MYO18B: variants seen among roughly 807,000 people sequenced by gnomAD.
MYO18B encodes unconventional myosin-XVIIIb.
Under a neutral mutation model 273.0 loss-of-function variants are expected in MYO18B, and 204 were observed. The observed-to-expected ratio is 0.75, with a 90% CI of 0.67 to 0.84. The LOEUF (loss-of-function observed/expected upper bound fraction) is 0.84, where lower values mean the gene tolerates loss of function less well. Among genes scored for constraint, MYO18B ranks in the 40% least tolerant of loss-of-function variants. MYO18B has a pLI of 0.00. For missense variants in MYO18B, 3,212 were observed against 3,287.6 expected (o/e 0.98, Z 0.56); for synonymous variants, 1,330 against 1,305.7 (o/e 1.02, Z -0.40).
intron 11 of MYO18B, among the ~76,000 whole-genome samples, chr22:25,793,002 G>T (rs1238609828): frequency 6.6e-6 from 1 of 152,188 alleles, no homozygotes; most frequent in African/African-American, 2.4e-5. Flanking sequence ...GGTCATACCC[G>T]ATTAACTTGT....
At chr22:25,879,474 G>A (rs572147922) in intron 25 of MYO18B, among the ~76,000 whole-genome samples, 1 of 152,222 alleles carries the variant, frequency 6.6e-6, no homozygotes, top group Non-Finnish European at 1.5e-5. Context: ...GGTTACCTGG[G>A]GTACGGTCAT....
chr22:26,059,250 C>T, the MYO18B span, among the ~76,000 whole-genome samples: 43,510 of 152,054 alleles, frequency 0.29, 11,689 homozygotes, highest in African/African-American at 0.71. Context: ...TTTACCTCTT[C>T]AAAGGCAATG....
intron 11 of MYO18B, among the ~76,000 whole-genome samples, chr22:25,788,695 C>T (rs148305675): frequency 1.2e-4 from 18 of 152,358 alleles, no homozygotes; most frequent in African/African-American, 4.3e-4. Context: ...TTCAACCCAA[C>T]TTCATCCCTG....
the MYO18B span, among the ~76,000 whole-genome samples, chr22:26,037,470 C>T: frequency 1.3e-5 from 2 of 152,126 alleles, no homozygotes; most frequent in African/African-American, 4.8e-5. Context: ...TCATTCAGTG[C>T]TCTTCCTAAG....
chr22:25,843,993 G>T, intron 18 of MYO18B, 99 bp downstream of exon 18: 1 of 1,102,170 alleles, frequency 9.1e-7, no homozygotes. Context: ...AGTGTGGGAG[G>T]GCCAGCCCAG....
rs772067339 is a variant in MYO18B at position 25,780,122 on chromosome 22, G to T, written c.2135G>T (p.Arg712Leu). 3 of 1,603,644 alleles carry T rather than the reference G, an allele frequency of 1.9e-6. No homozygotes were observed. The highest frequency in any genetic ancestry group is 1.7e-5 in the Admixed American group (1 of 58,830). ...AFGSVSMAHS[R>L]SATRFSMVMS... ...GGCTCTGTGTCCATGGCCCACAGCCGCAGTGCCACCCGGTTCTCCATGGTG... is the reference window on the plus strand; with the variant it reads ...GGCTCTGTGTCCATGGCCCACAGCCTCAGTGCCACCCGGTTCTCCATGGTG... Residue 712 changes from arginine (R) to leucine (L), a missense_variant, in exon 9 of 44, where the codon CGC becomes CTC. By Grantham distance (102) the Arg-to-Leu change is moderately radical. Coordinates refer to ENST00000335473, the MANE Select transcript of MYO18B (RefSeq NM_032608.7).
intron 39 of MYO18B, among the ~76,000 whole-genome samples, chr22:25,973,290 C>T (rs2093055140): frequency 6.6e-6 from 1 of 152,178 alleles, no homozygotes; most frequent in East Asian, 1.9e-4. Flanking sequence ...GAATATCAAT[C>T]AAAAGGGTTT....
intron 34 of MYO18B, among the ~76,000 whole-genome samples, chr22:25,922,558 C>T (rs1389978605): frequency 6.6e-6 from 1 of 152,154 alleles, no homozygotes; most frequent in African/African-American, 2.4e-5. Flanking sequence ...ATGTTACCTT[C>T]CCTCGGATAA....
At position 25,898,405 on chromosome 22, in the gene MYO18B, C is replaced by A. The variant is rs370121060; in HGVS notation, c.4767C>A (p.Cys1589Ter). ...HHLTCDLEDT[C>*]VLLENQQSRN... ...TTACCTGTGACCTTGAGGATACCTG[C>A]GTCCTGCTAGAGAACCAACAAAGTC... The change falls in exon 29 of 44, where the codon TGC (cysteine) becomes TGA (stop). Residue 1589 changes from cysteine (C) to a stop codon, truncating the protein, a stop_gained. Coordinates refer to ENST00000335473, the MANE Select transcript of MYO18B (RefSeq NM_032608.7). LOFTEE classifies it high-confidence loss of function. 6.2e-7 allele frequency: 1 copy of A among 1,613,756 alleles called. No homozygotes were observed. The highest frequency in any genetic ancestry group is 1.7e-5 in the Admixed American group (1 of 59,996).
rs997895526 is a variant in MYO18B at position 25,779,974 on chromosome 22, G to A, written c.2069-82G>A. The A allele has an allele frequency of 2.5e-5, 36 of 1,461,948 alleles. No homozygotes were observed. In the East Asian group the frequency reaches 3.8e-4, roughly 15 times the overall value. The allele number at this position is 1,461,948 out of a possible 1,614,324, so 90.6% of individuals were successfully genotyped here. ...ATGGGGACTGGCCCAAGCAGGGGCC[G>A]TGGAAAAGGTGGACCTGTGTGAGGT... is the stretch of plus-strand genomic sequence containing the variant. On this transcript the variant is annotated intron_variant, in intron 8 of 43. Transcript: ENST00000335473.
At chr22:25,757,766 A>C (rs1327264176) in intron 1 of MYO18B, among the ~76,000 whole-genome samples, 1 of 152,092 alleles carries the variant, frequency 6.6e-6, no homozygotes, top group Non-Finnish European at 1.5e-5. Flanking sequence ...TCCACTCAAG[A>C]CCGCTTCTAC....
the MYO18B span, among the ~76,000 whole-genome samples, chr22:26,049,358 C>T: frequency 2.0e-5 from 3 of 152,192 alleles, no homozygotes; most frequent in Non-Finnish European, 4.4e-5. Context: ...TCAAGTACAA[C>T]AAACACAAGC....
intron 34 of MYO18B, among the ~76,000 whole-genome samples, chr22:25,940,653 TAGAG>T (rs1184271235): frequency 2.0e-5 from 3 of 152,132 alleles, no homozygotes; most frequent in Admixed American, 6.6e-5. Flanking sequence ...GTAGAGAACA[TAGAG>T]AGAATGCAAC....
intron 25 of MYO18B, among the ~76,000 whole-genome samples, chr22:25,878,420 ATTAC>A (rs1023377335): frequency 3.3e-5 from 5 of 152,244 alleles, no homozygotes; most frequent in African/African-American, 9.6e-5. Context: ...GAAGATGTAT[ATTAC>A]TTACTTGGAA....
rs1413275615 is a variant in MYO18B at position 25,823,536 on chromosome 22, G to C, written c.2553G>C (p.Trp851Cys). 6.2e-7 allele frequency: 1 copy of C among 1,613,946 alleles called. No homozygotes were observed. The highest frequency in any genetic ancestry group is 8.5e-7 in the Non-Finnish European group (1 of 1,179,876). ...GGAAGCAGTTCATGAGGTTTGAGTGGGCAAACTACGCAGCTGAGGCCCTGG... is the reference window on the plus strand; with the variant it reads ...GGAAGCAGTTCATGAGGTTTGAGTGCGCAAACTACGCAGCTGAGGCCCTGG... ...VGRKQFMRFEWANYAAEALGC... is the reference protein window; with the variant it reads ...VGRKQFMRFECANYAAEALGC... The change falls in exon 13 of 44, where the codon TGG becomes TGC. Residue 851 changes from tryptophan (W) to cysteine (C), a missense_variant. Coordinates refer to ENST00000335473, the MANE Select transcript of MYO18B (RefSeq NM_032608.7).
chr22:25,843,701 G>T (rs1393716517), intron 17 of MYO18B, 34 bp from the exon 18 acceptor site: 1 of 1,591,942 alleles, frequency 6.3e-7, no homozygotes, highest in South Asian at 1.1e-5. Context: ...TCCTCAACAG[G>T]CTCCAGCACT....
chr22:25,782,583 G>A (rs2087208193), intron 10 of MYO18B, among the ~76,000 whole-genome samples: 1 of 152,202 alleles, frequency 6.6e-6, no homozygotes, highest in Non-Finnish European at 1.5e-5. Flanking sequence ...CTCCTCTGTT[G>A]GATGGATGGG....
chr22:26,050,646 G>T, the MYO18B span, among the ~76,000 whole-genome samples: 1 of 152,260 alleles, frequency 6.6e-6, no homozygotes, highest in East Asian at 1.9e-4. Context: ...GCTCTGCTAC[G>T]TCCCGGTTCT....
chr22:26,028,249 G>GAAAAAAAAAAAAAAAAAAAA (rs753643785), intron 43 of MYO18B: 1 of 136,808 alleles, frequency 7.3e-6, no homozygotes. Flanking sequence ...TCTGTCTCAG[G>GAAAAAAAAAAAAAAAAAAAA]GAAAAAAAAA....
Sources: allele counts gnomAD v4.1 joint callset (sites outside exome capture counted in the v4.1 genomes callset), GRCh38; gene constraint gnomAD v4.1.1; transcripts MANE v1.5; gene names NCBI Gene and HGNC (gene_info 2026-07-23, HGNC 2026-07-21).